The following CASR variants were observed in gnomAD, a reference collection of about 807,000 sequenced individuals.
CASR encodes the protein extracellular calcium-sensing receptor.
In CASR, 23 loss-of-function variants were observed where a neutral mutation model predicts 69.1. That is an observed-to-expected ratio of 0.33 (90% CI 0.24 to 0.47). The LOEUF (loss-of-function observed/expected upper bound fraction) is 0.47, where lower values mean the gene tolerates loss of function less well. Ranked by LOEUF, CASR falls within the 20% of genes least tolerant of loss-of-function variation. The pLI, the probability that CASR is intolerant of heterozygous loss-of-function variation, is 1.00. For missense variants in CASR, 924 were observed against 1,356.1 expected (o/e 0.68, Z 5.00); for synonymous variants, 541 against 544.7 (o/e 0.99, Z 0.10).
At chr3:122,232,340 A>C (rs1470822598) in intron 1 of CASR, among the ~76,000 whole-genome samples, 1 of 152,166 alleles carries the variant, frequency 6.6e-6, no homozygotes, top group Non-Finnish European at 1.5e-5. Context: ...AGAGAGCACG[A>C]GAGTGAGGCC....
At chr3:122,260,007 C>G (rs1248969280) in intron 3 of CASR, among the ~76,000 whole-genome samples, 1 of 152,224 alleles carries the variant, frequency 6.6e-6, no homozygotes, top group East Asian at 1.9e-4. Flanking sequence ...TAAGCTACTT[C>G]ATTTCCTAGA....
chr3:122,197,698 G>A (rs2073903364), intron 1 of CASR, among the ~76,000 whole-genome samples: 1 of 151,980 alleles, frequency 6.6e-6, no homozygotes, highest in African/African-American at 2.4e-5. Flanking sequence ...GATTCATATT[G>A]ATCTCCTAAA....
chr3:122,194,055 C>A (rs2073864163), intron 1 of CASR, among the ~76,000 whole-genome samples: 1 of 152,084 alleles, frequency 6.6e-6, no homozygotes, highest in South Asian at 2.1e-4. Context: ...TTTTACTGTC[C>A]TGCCCATTTC....
Position 122,275,937 on chromosome 3 carries a change from C to T in CASR, c.1503C>T (p.Gly501=). 6.2e-7 allele frequency: 1 copy of T among 1,613,996 alleles called. No individual in the cohort carries two copies. Among genetic ancestry groups the T allele is most frequent in the Non-Finnish European group, 8.5e-7 (1 of 1,179,836 alleles). ...IINWHLSPED[G]SIVFKEVGYY... is the part of the protein sequence containing the mutation. ...ACTGGCACCTCTCCCCAGAGGATGG[C>T]TCCATCGTGTTTAAGGAAGTCGGGT... Residue 501 remains glycine (G), a synonymous_variant, in exon 5 of 7, where the codon GGC becomes GGT. Transcript: ENST00000639785.
rs570322775 is a variant in CASR at position 122,263,602 on chromosome 3, A to G, written c.1377+1190A>G. ...GATACCAAGAAGCAAAAAGCACACA[A>G]CTTGTATCAGTCACTGTAGAGATTC... On this transcript the variant is annotated intron_variant, in intron 4 of 6. Coordinates refer to ENST00000639785, the MANE Select transcript of CASR (RefSeq NM_000388.4). Among the ~76,000 whole-genome samples, 5 of 152,356 alleles carry G rather than the reference A, an allele frequency of 3.3e-5. No homozygotes were observed. In the East Asian group the frequency reaches 9.6e-4, roughly 29 times the overall value.
intron 1 of CASR, among the ~76,000 whole-genome samples, chr3:122,228,120 A>G (rs2074243745): frequency 6.6e-6 from 1 of 152,140 alleles, no homozygotes; most frequent in Non-Finnish European, 1.5e-5. Context: ...GCCAGTTACC[A>G]GTTGTTTAGT....
chr3:122,262,794 A>G (rs769416076), intron 4 of CASR, among the ~76,000 whole-genome samples: 1 of 152,178 alleles, frequency 6.6e-6, no homozygotes, highest in Non-Finnish European at 1.5e-5. Flanking sequence ...TACATTCCAT[A>G]TACTAAGTGG....
chr3:122,245,445 G>A (rs1004891204), intron 1 of CASR: 6 of 152,088 alleles, frequency 3.9e-5, no homozygotes, highest in South Asian at 2.1e-4. Context: ...TTAACATTTC[G>A]GTGTGTATCC....
At chr3:122,202,683 T>A (rs4678042) in intron 1 of CASR, among the ~76,000 whole-genome samples, 26,602 of 152,220 alleles carry the variant, frequency 0.17, 2,415 homozygotes, top group African/African-American at 0.21. Flanking sequence ...TAATTGAATT[T>A]ATCATTTTTT....
intron 1 of CASR, among the ~76,000 whole-genome samples, chr3:122,221,805 G>C (rs375550806): frequency 6.6e-6 from 1 of 152,218 alleles, no homozygotes; most frequent in Non-Finnish European, 1.5e-5. Context: ...AGTTCATCTT[G>C]TGAGTAGCGA....
intron 1 of CASR, among the ~76,000 whole-genome samples, chr3:122,199,846 C>CG (rs1553761070): frequency 6.6e-6 from 1 of 152,114 alleles, no homozygotes; most frequent in Non-Finnish European, 1.5e-5. Flanking sequence ...TAACTAACAA[C>CG]ATTTATTGTA....
At chr3:122,189,192 C>G (rs1006644642) in intron 1 of CASR, among the ~76,000 whole-genome samples, 2 of 152,238 alleles carry the variant, frequency 1.3e-5, no homozygotes, top group Non-Finnish European at 2.9e-5. Flanking sequence ...GGTGGGCTTT[C>G]TATCTCTGAC....
chr3:122,266,535 T>C (rs988279067), intron 4 of CASR, among the ~76,000 whole-genome samples: 1 of 152,106 alleles, frequency 6.6e-6, no homozygotes, highest in Non-Finnish European at 1.5e-5. Context: ...GTTCAAGCAG[T>C]ACTCCTATGT....
At chr3:122,280,867 C>T (rs2074879852) in intron 5 of CASR, among the ~76,000 whole-genome samples, 1 of 152,168 alleles carries the variant, frequency 6.6e-6, no homozygotes, top group Non-Finnish European at 1.5e-5. Context: ...AGCATTACTC[C>T]AGGCTTTGTA....
At chr3:122,201,176 C>T (rs1049608523) in intron 1 of CASR, among the ~76,000 whole-genome samples, 3 of 152,050 alleles carry the variant, frequency 2.0e-5, no homozygotes, top group Non-Finnish European at 4.4e-5. Context: ...TCCCTGGGTA[C>T]TTGAGATTAG....
chr3:122,189,265 T>A (rs2073818005), intron 1 of CASR, among the ~76,000 whole-genome samples: 2 of 152,238 alleles, frequency 1.3e-5, no homozygotes, highest in South Asian at 4.1e-4. Context: ...CTTTGAGATC[T>A]GTGAAGCTAA....
In CASR at chr3:122,230,449, G is replaced by T. The variant is rs552457799; in HGVS notation, c.-242-23499G>T. On this transcript the variant is annotated intron_variant, in intron 1 of 6. Coordinates refer to ENST00000639785, the MANE Select transcript of CASR (RefSeq NM_000388.4). ...GGATGCGGGCGTGAGAGGGACGCAGGAGCAGCGGGGGCGGGGATGCTGCTG... is the reference window on the plus strand; with the variant it reads ...GGATGCGGGCGTGAGAGGGACGCAGTAGCAGCGGGGGCGGGGATGCTGCTG... Among the ~76,000 whole-genome samples, 30 of 152,342 alleles carry T rather than the reference G, an allele frequency of 2.0e-4. No individual in the cohort carries two copies. In the South Asian group the frequency reaches 6.2e-3, roughly 32 times the overall value.
chr3:122,223,104 A>C (rs144287179), intron 1 of CASR, among the ~76,000 whole-genome samples: 115 of 152,346 alleles, frequency 7.5e-4, no homozygotes, highest in African/African-American at 2.6e-3. Flanking sequence ...CTAAATGCCT[A>C]CATCAAGAAG....
intron 1 of CASR, among the ~76,000 whole-genome samples, chr3:122,213,797 G>A (rs1243225263): frequency 6.6e-6 from 1 of 152,172 alleles, no homozygotes; most frequent in Non-Finnish European, 1.5e-5. Context: ...AGTGACCATG[G>A]CAAAGAGAAG....
Sources: allele counts gnomAD v4.1 joint callset (sites outside exome capture counted in the v4.1 genomes callset), GRCh38; gene constraint gnomAD v4.1.1; transcripts MANE v1.5; gene names NCBI Gene and HGNC (gene_info 2026-07-23, HGNC 2026-07-21).